The following NRXN1 variants were observed in gnomAD, a reference collection of about 807,000 sequenced individuals.
NRXN1 encodes neurexin-1.
A neutral mutation model predicts 150.9 loss-of-function variants in NRXN1; 39 were observed. The observed-to-expected ratio is 0.26, with a 90% CI of 0.20 to 0.34. NRXN1 has a LOEUF of 0.34. Ranked by LOEUF, NRXN1 falls within the 10% of genes least tolerant of loss-of-function variation. The pLI, the probability that NRXN1 is intolerant of heterozygous loss-of-function variation, is 1.00. For synonymous variants in NRXN1, 924 were observed against 757.0 expected, an observed-to-expected ratio of 1.22 and a Z score of -3.62; for missense variants, 1,815 against 1,949.9, an observed-to-expected ratio of 0.93 and a Z score of 1.30.
chr2:50,922,625 G>A (rs1014472835), intron 4 of NRXN1, 33 bp downstream of exon 4: 2 of 1,606,892 alleles, frequency 1.2e-6, no homozygotes, highest in African/African-American at 2.7e-5. Context: ...AGAAAACACT[G>A]AAAGCAGAGT....
intron 15 of NRXN1, among the ~76,000 whole-genome samples, chr2:50,477,657 A>G (rs1026851409): frequency 6.6e-6 from 1 of 152,150 alleles, no homozygotes; most frequent in African/African-American, 2.4e-5. Context: ...CCTCTTAAAT[A>G]TCTCACTTTC....
At chr2:51,016,037 G>C (rs536329339) in intron 2 of NRXN1, among the ~76,000 whole-genome samples, 1 of 151,976 alleles carries the variant, frequency 6.6e-6, no homozygotes, top group East Asian at 1.9e-4. Flanking sequence ...ATAGACCAAT[G>C]GAACAGAACA....
chr2:50,256,867 G>C (rs1478386659), intron 17 of NRXN1, among the ~76,000 whole-genome samples: 1 of 152,008 alleles, frequency 6.6e-6, no homozygotes, highest in Non-Finnish European at 1.5e-5. Flanking sequence ...AATTGAATCA[G>C]CTGCTTCAGA....
intron 2 of NRXN1, among the ~76,000 whole-genome samples, chr2:50,960,816 A>G (rs1218138344): frequency 1.3e-5 from 2 of 151,942 alleles, no homozygotes; most frequent in African/African-American, 2.4e-5. Flanking sequence ...AAACAAAAAA[A>G]AGCAAACATA....
Position 49,920,973 on chromosome 2 carries a change from A to AAAGT in NRXN1, c.*967_*970dup, listed in dbSNP as rs3839058. 73,199 of 151,722 alleles carry AAAGT rather than the reference A, an allele frequency of 0.48. 17,779 individuals carry two copies. Among genetic ancestry groups the AAAGT allele is most frequent in the South Asian group, 0.56 (2,687 of 4,808 alleles). The allele number at this position is 151,722 out of a possible 1,614,324, so 9.4% of individuals were successfully genotyped here. ...TACACTGTAATTTCTTTAAAAAATAAAAGTAATTGTGGCAATTTATAATGG... is the reference window on the plus strand; with the variant it reads ...TACACTGTAATTTCTTTAAAAAATAAAAGTAAGTAATTGTGGCAATTTATAATGG... On this transcript the variant is annotated 3_prime_UTR_variant, in exon 23 of 23. Transcript: ENST00000401669.
At chr2:50,470,937 G>T (rs2089397837) in intron 16 of NRXN1, among the ~76,000 whole-genome samples, 1 of 151,684 alleles carries the variant, frequency 6.6e-6, no homozygotes. Flanking sequence ...TATTAGCCTG[G>T]GGTGATACAA....
chr2:50,533,952 G>C (rs919587694), intron 10 of NRXN1, among the ~76,000 whole-genome samples: 8 of 151,998 alleles, frequency 5.3e-5, no homozygotes, highest in Non-Finnish European at 1.2e-4. Flanking sequence ...CTTGTTTGTA[G>C]AGTATTATCT....
intron 5 of NRXN1, chr2:50,758,221 C>A (rs1243383346): frequency 6.6e-6 from 1 of 151,850 alleles, no homozygotes; most frequent in Non-Finnish European, 1.5e-5. Flanking sequence ...CTTTCCTAGA[C>A]TCTACTATGG....
At chr2:50,313,832 A>T (rs1262368886) in intron 17 of NRXN1, among the ~76,000 whole-genome samples, 2 of 152,102 alleles carry the variant, frequency 1.3e-5, no homozygotes, top group African/African-American at 4.8e-5. Context: ...TCGTGTTTTC[A>T]TGATTTTACT....
chr2:50,318,741 C>A (rs2075803362), intron 17 of NRXN1, among the ~76,000 whole-genome samples: 1 of 152,010 alleles, frequency 6.6e-6, no homozygotes, highest in Non-Finnish European at 1.5e-5. Flanking sequence ...TTTACTGATA[C>A]ATGCATATAT....
chr2:50,936,873 T>TA (rs1688635819), intron 2 of NRXN1, among the ~76,000 whole-genome samples: 1 of 152,070 alleles, frequency 6.6e-6, no homozygotes. Flanking sequence ...TGATAATTTT[T>TA]AAAAAATGAA....
intron 18 of NRXN1, among the ~76,000 whole-genome samples, chr2:50,105,617 G>T (rs1701532650): frequency 6.6e-6 from 1 of 151,968 alleles, no homozygotes; most frequent in Non-Finnish European, 1.5e-5. Context: ...ATCAAAACAA[G>T]GTTAGTCATG....
At chr2:50,515,395 G>A (rs967150971) in intron 12 of NRXN1, among the ~76,000 whole-genome samples, 1 of 152,112 alleles carries the variant, frequency 6.6e-6, no homozygotes, top group African/African-American at 2.4e-5. Flanking sequence ...GATACATGTA[G>A]TGAAATTCAA....
intron 2 of NRXN1, among the ~76,000 whole-genome samples, chr2:51,012,211 T>G (rs2105200799): frequency 6.6e-6 from 1 of 152,170 alleles, no homozygotes; most frequent in South Asian, 2.1e-4. Flanking sequence ...CAGTATTTAT[T>G]AATCTAAAGT....
At chr2:50,273,925 G>A (rs1271574774) in intron 17 of NRXN1, among the ~76,000 whole-genome samples, 1 of 152,094 alleles carries the variant, frequency 6.6e-6, no homozygotes, top group Non-Finnish European at 1.5e-5. Context: ...TATACTGTTG[G>A]TGGGAGTGTA....
At chr2:50,197,199 GT>G (rs747669096) in intron 18 of NRXN1, among the ~76,000 whole-genome samples, 3 of 151,118 alleles carry the variant, frequency 2.0e-5, no homozygotes, top group Non-Finnish European at 3.0e-5. Context: ...CCAAATCTTT[GT>G]TTTTTTTTAG....
intron 17 of NRXN1, among the ~76,000 whole-genome samples, chr2:50,338,392 A>C (rs566736087): frequency 1.3e-5 from 2 of 151,992 alleles, no homozygotes; most frequent in African/African-American, 4.8e-5. Flanking sequence ...TGAGTATGAA[A>C]TAAAAGGAAA....
chr2:50,872,240 A>C (rs940072146), intron 5 of NRXN1, among the ~76,000 whole-genome samples: 26 of 151,850 alleles, frequency 1.7e-4, no homozygotes, highest in African/African-American at 6.0e-4. Context: ...TTTGTGGGAG[A>C]GAGAGATGTG....
intron 5 of NRXN1, among the ~76,000 whole-genome samples, chr2:50,767,465 G>A (rs1387253995): frequency 2.6e-5 from 4 of 151,784 alleles, no homozygotes; most frequent in South Asian, 2.1e-4. Context: ...AAATCAATCC[G>A]TCCTTCTAGA....
Sources: gnomAD v4.1 joint callset for allele counts (sites outside exome capture counted in the v4.1 genomes callset) on GRCh38, gnomAD v4.1.1 for gene constraint, MANE v1.5 for transcripts, NCBI Gene and HGNC (gene_info 2026-07-23, HGNC 2026-07-21) for gene names.